The following SGK3 variants were observed in gnomAD, a reference collection of about 807,000 sequenced individuals.
SGK3 encodes the protein serine/threonine-protein kinase Sgk3.
In SGK3, 47 loss-of-function variants were observed where a neutral mutation model predicts 68.5. The observed-to-expected ratio is 0.69, with a 90% CI of 0.54 to 0.87. The LOEUF (loss-of-function observed/expected upper bound fraction) is 0.87, where lower values mean the gene tolerates loss of function less well. Among genes scored for constraint, SGK3 ranks in the 40% least tolerant of loss-of-function variants. SGK3 has a pLI of 0.00. For missense variants in SGK3, 479 were observed against 575.5 expected, an observed-to-expected ratio of 0.83 and a Z score of 1.72; for synonymous variants, 181 against 189.1, an observed-to-expected ratio of 0.96 and a Z score of 0.35.
intron 1 of SGK3, among the ~76,000 whole-genome samples, chr8:66,792,244 G>A (rs1807490274): frequency 6.6e-6 from 1 of 150,428 alleles, no homozygotes; most frequent in African/African-American, 2.5e-5. Context: ...CAGGAGAATT[G>A]CTTGAACCCA....
chr8:66,803,426 C>G (rs1808026362), intron 3 of SGK3, among the ~76,000 whole-genome samples: 1 of 151,912 alleles, frequency 6.6e-6, no homozygotes, highest in African/African-American at 2.4e-5. Flanking sequence ...ACCTCCCTGG[C>G]TCAAGTGATC....
intron 1 of SGK3, among the ~76,000 whole-genome samples, chr8:66,757,026 T>C (rs1805998550): frequency 6.6e-6 from 1 of 152,144 alleles, no homozygotes; most frequent in Non-Finnish European, 1.5e-5. Flanking sequence ...GTTCTTTGCC[T>C]AGAAGGATGT....
At chr8:66,816,195 G>T (rs964816140) in intron 5 of SGK3, among the ~76,000 whole-genome samples, 1 of 151,652 alleles carries the variant, frequency 6.6e-6, no homozygotes, top group African/African-American at 2.4e-5. Flanking sequence ...GTAGAGACGG[G>T]GTTTCACCAT....
chr8:66,858,708 T>C (rs1354507333), intron 16 of SGK3, among the ~76,000 whole-genome samples: 1 of 152,166 alleles, frequency 6.6e-6, no homozygotes, highest in African/African-American at 2.4e-5. Context: ...GTGGGCTACA[T>C]GAGGCACAGG....
intron 16 of SGK3, among the ~76,000 whole-genome samples, chr8:66,854,696 G>A (rs1563662365): frequency 6.6e-6 from 1 of 152,166 alleles, no homozygotes. Context: ...AGATTGGAGT[G>A]AGGGTGCATA....
intron 5 of SGK3, among the ~76,000 whole-genome samples, chr8:66,819,271 A>G (rs919189111): frequency 2.0e-5 from 3 of 152,218 alleles, no homozygotes; most frequent in Non-Finnish European, 4.4e-5. Flanking sequence ...ATATACTGCT[A>G]GAAGAGTATA....
At chr8:66,822,612 C>T (rs1478906388) in intron 6 of SGK3, among the ~76,000 whole-genome samples, 153 bp downstream of exon 6, 1 of 152,086 alleles carries the variant, frequency 6.6e-6, no homozygotes, top group Non-Finnish European at 1.5e-5. Flanking sequence ...ATACCTCTTA[C>T]AGATCACTAT....
Position 66,850,912 on chromosome 8 carries a change from C to T in SGK3, c.1312C>T (p.Pro438Ser). ...VQKKIPPPFNPNVAGPDDIRN... is the reference protein window; with the variant it reads ...VQKKIPPPFNSNVAGPDDIRN... ...AAAGAAGATTCCACCACCATTTAAT[C>T]CTAATGTGGTAAGTATATATCCAAA... The change falls in exon 16 of 17, where the codon CCT (proline) becomes TCT (serine). Residue 438 changes from proline to serine, a missense_variant. By Grantham distance (74) the Pro-to-Ser change is moderately conservative (BLOSUM62 -1). Transcript: ENST00000521198. The T allele has an allele frequency of 6.2e-7, 1 of 1,609,752 alleles. No individual in the cohort carries two copies. Among genetic ancestry groups the T allele is most frequent in the Non-Finnish European group, 8.5e-7 (1 of 1,177,516 alleles).
chr8:66,740,085 A>G (rs1285930790), intron 1 of SGK3, among the ~76,000 whole-genome samples: 2 of 152,220 alleles, frequency 1.3e-5, no homozygotes, highest in Non-Finnish European at 2.9e-5. Context: ...TGGCAGGGAC[A>G]AACCTCATAG....
intron 13 of SGK3, among the ~76,000 whole-genome samples, chr8:66,842,041 G>C (rs949674972): frequency 6.6e-6 from 1 of 152,176 alleles, no homozygotes; most frequent in Admixed American, 6.5e-5. Context: ...TTAACTAAAA[G>C]TATCTCTAAG....
intron 16 of SGK3, 58 bp downstream of exon 16, chr8:66,850,978 G>A (rs1810259246): frequency 1.3e-6 from 2 of 1,507,628 alleles, no homozygotes; most frequent in Non-Finnish European, 1.8e-6. Context: ...GCAGTTCATT[G>A]TAAGTTTGAA....
intron 1 of SGK3, among the ~76,000 whole-genome samples, chr8:66,772,763 A>G (rs1441949678): frequency 6.6e-6 from 1 of 151,868 alleles, no homozygotes; most frequent in Non-Finnish European, 1.5e-5. Context: ...GGGTTCCACC[A>G]TGTTCACCTG....
chr8:66,779,531 GAT>G (rs1245858584), intron 1 of SGK3, among the ~76,000 whole-genome samples: 1 of 130,874 alleles, frequency 7.6e-6, no homozygotes. Flanking sequence ...GTAGGGGGGA[GAT>G]ATATATATAT....
chr8:66,798,558 T>G lies in SGK3; in HGVS notation c.113T>G (p.Val38Gly). ...KKRFTVYKVL[V>G]SVGRSEWFVF... ...TTTCCACAGGTTTATAAAGTTCTGG[T>G]TTCAGTGGGAAGAAGTGAATGGTTT... The change falls in exon 3 of 17, where the codon GTT (valine) becomes GGT (glycine). Residue 38 changes from valine (V) to glycine (G), a missense_variant. This residue lies in a region of SGK3 where 298 missense variants were observed against 329.4 expected (regional missense o/e 0.90). Transcript: ENST00000521198. 1 of 1,611,026 alleles carries G rather than the reference T, an allele frequency of 6.2e-7. No homozygotes were observed.
intron 1 of SGK3, among the ~76,000 whole-genome samples, chr8:66,782,249 T>A (rs1028363239): frequency 1.3e-5 from 2 of 152,172 alleles, no homozygotes; most frequent in Non-Finnish European, 2.9e-5. Flanking sequence ...TCAGAAATTG[T>A]CCCCATCCCA....
At chr8:66,832,949 G>C (rs1422343996) in intron 8 of SGK3, among the ~76,000 whole-genome samples, 1 of 151,286 alleles carries the variant, frequency 6.6e-6, no homozygotes, top group Non-Finnish European at 1.5e-5. Context: ...CTGATCTGCA[G>C]GGCCACCTTT....
At chr8:66,768,709 C>T (rs1190815159) in intron 1 of SGK3, among the ~76,000 whole-genome samples, 4 of 152,070 alleles carry the variant, frequency 2.6e-5, no homozygotes, top group Non-Finnish European at 4.4e-5. Flanking sequence ...GAATTACTGG[C>T]GTGTGCCACC....
chr8:66,720,344 A>G (rs1804760483), intron 1 of SGK3, among the ~76,000 whole-genome samples: 2 of 152,218 alleles, frequency 1.3e-5, no homozygotes, highest in African/African-American at 4.8e-5. Context: ...TCAGTTAGGA[A>G]TTAGAACAGC....
At chr8:66,798,182 A>AT (rs1563633176) in intron 2 of SGK3, among the ~76,000 whole-genome samples, 1 of 151,746 alleles carries the variant, frequency 6.6e-6, no homozygotes, top group Non-Finnish European at 1.5e-5. Flanking sequence ...TAATTTTTAA[A>AT]TTTTTTGTAG....
Sources: allele counts gnomAD v4.1 joint callset (sites outside exome capture counted in the v4.1 genomes callset), GRCh38; gene constraint gnomAD v4.1.1; regional missense constraint gnomAD v4.1.1; transcripts MANE v1.5; gene names NCBI Gene and HGNC (gene_info 2026-07-23, HGNC 2026-07-21).